The following HECTD4 variants were observed in gnomAD, a reference collection of about 807,000 sequenced individuals.
HECTD4 encodes the protein HECT domain E3 ubiquitin protein ligase 4.
In HECTD4, 114 loss-of-function variants were observed where a neutral mutation model predicts 471.5. The ratio of observed to expected loss-of-function variants is 0.24; its 90% CI spans 0.21 to 0.28. The LOEUF (loss-of-function observed/expected upper bound fraction) is 0.28, where lower values mean the gene tolerates loss of function less well. Ranked by LOEUF, HECTD4 falls within the 10% of genes least tolerant of loss-of-function variation. The pLI is 1.00. For missense variants in HECTD4, 3,866 were observed against 5,651.5 expected, an observed-to-expected ratio of 0.68 and a Z score of 10.13; for synonymous variants, 2,012 against 2,256.0, an observed-to-expected ratio of 0.89 and a Z score of 3.07.
chr12:112,217,338 C>CACACACACACACAT (rs2032951537), intron 45 of HECTD4, 143 bp from the exon 46 acceptor site: 5 of 188,876 alleles, frequency 2.6e-5, no homozygotes, highest in East Asian at 2.0e-3. Flanking sequence ...CACACACATA[C>CACACACACACACAT]ACACACACAC....
chr12:112,184,276 C>T lies in HECTD4; in HGVS notation c.10690G>A (p.Val3564Met), dbSNP rs907472911. The T allele has an allele frequency of 2.5e-6, 4 of 1,613,554 alleles. No homozygotes were observed. The South Asian group carries it at 3.3e-5, about 13-fold the overall frequency. Residue 3564 changes from valine to methionine, a missense_variant, in exon 61 of 76, where the codon GTG (valine) becomes ATG (methionine). Transcript: ENST00000682272. This position sits in a 1 kb window ranked among gnomAD's most constrained non-coding sequence, Gnocchi z 9.1. ...GTGTACATGGAGCCCATGTCCGACA[C>T]CGAGGCCGTCTCTGCATTGTCCAGG... ...EPLDNAETAS[V>M]SDMGSMYTVT...
chr12:112,189,027 C>A (rs973520033), intron 60 of HECTD4, among the ~76,000 whole-genome samples: 1 of 152,212 alleles, frequency 6.6e-6, no homozygotes, highest in African/African-American at 2.4e-5. Context: ...CCCCTATCCA[C>A]TCCCTGGGTG....
chr12:112,377,944 C>A (rs1330619453), intron 1 of HECTD4, among the ~76,000 whole-genome samples: 1 of 152,150 alleles, frequency 6.6e-6, no homozygotes, highest in Non-Finnish European at 1.5e-5. Flanking sequence ...TCTGGATCTG[C>A]TTAAATTAAA....
At chr12:112,165,018 T>A (rs1235381346) in intron 72 of HECTD4, among the ~76,000 whole-genome samples, 2 of 147,806 alleles carry the variant, frequency 1.4e-5, no homozygotes, top group Non-Finnish European at 3.0e-5. Flanking sequence ...GCCTCCTGGG[T>A]TCAAGCAATT....
intron 21 of HECTD4, 171 bp from the exon 22 acceptor site, chr12:112,254,333 G>A: frequency 1.5e-6 from 1 of 680,024 alleles, no homozygotes; most frequent in Admixed American, 3.0e-5. Context: ...ATACTAGTTT[G>A]GATGCAATCA....
chr12:112,220,513 A>C (rs997845227), intron 44 of HECTD4, among the ~76,000 whole-genome samples: 1 of 151,988 alleles, frequency 6.6e-6, no homozygotes, highest in African/African-American at 2.4e-5. Context: ...AGATCTTAAG[A>C]AAGCCAGGTG....
chr12:112,343,381 T>C (rs2036087080), intron 1 of HECTD4, among the ~76,000 whole-genome samples: 1 of 152,250 alleles, frequency 6.6e-6, no homozygotes, highest in Non-Finnish European at 1.5e-5. Flanking sequence ...AAGCTTTATG[T>C]ATGACATGGC....
chr12:112,382,094 G>A lies in HECTD4; in HGVS notation c.35C>T (p.Ala12Val), dbSNP rs1594091890. The A allele has an allele frequency of 8.2e-7, 1 of 1,226,176 alleles. No individual in the cohort carries two copies. The allele number at this position is 1,226,176 out of a possible 1,614,324, so 76.0% of individuals were successfully genotyped here. The change falls in exon 1 of 76, where the codon GCG becomes GTG. Residue 12 changes from alanine to valine, a missense_variant. Coordinates refer to ENST00000682272, the MANE Select transcript of HECTD4 (RefSeq NM_001388303.1). Reference protein sequence around the residue: ...GSSAAAAAAAAAAADSAQWLS... With the variant: ...GSSAAAAAAAVAAADSAQWLS... ...CCACTGCGCCGAGTCAGCGGCCGCC[G>A]CCGCCGCCGCCGCCGCGGCCGCCGA...
chr12:112,210,965 T>A (rs759806416), intron 49 of HECTD4, among the ~76,000 whole-genome samples: 2 of 152,250 alleles, frequency 1.3e-5, no homozygotes, highest in Non-Finnish European at 2.9e-5. Context: ...ATTGGCATCA[T>A]TAATTCACTC....
chr12:112,169,537 G>A lies in HECTD4; in HGVS notation c.12174C>T (p.Asn4058=), dbSNP rs2031128509. ...GGACCTCCTCGCCAGTGAAGCGGATGTTGAAGGCATATGTGGGGTCACCGC... is the reference window on the plus strand; with the variant it reads ...GGACCTCCTCGCCAGTGAAGCGGATATTGAAGGCATATGTGGGGTCACCGC... ...ASGGDPTYAF[N]IRFTGEEVHG... is the part of the protein sequence containing the mutation. The change falls in exon 70 of 76, where the codon AAC becomes AAT. Residue 4058 remains asparagine, a synonymous_variant. Transcript: ENST00000682272. 10 of 1,613,162 alleles carry A rather than the reference G, an allele frequency of 6.2e-6. No individual in the cohort carries two copies. The highest frequency in any genetic ancestry group is 8.5e-6 in the Non-Finnish European group (10 of 1,179,710).
At chr12:112,257,919 G>C (rs2034055585) in intron 20 of HECTD4, among the ~76,000 whole-genome samples, 1 of 152,212 alleles carries the variant, frequency 6.6e-6, no homozygotes, top group African/African-American at 2.4e-5. Context: ...GCAGGGTGTG[G>C]TGGCTCACGC....
chr12:112,173,482 T>A lies in HECTD4; in HGVS notation c.11595-621A>T, dbSNP rs2031311664. On this transcript the variant is annotated intron_variant, in intron 66 of 75. Transcript: ENST00000682272. The surrounding 1 kb of genome is among the most constrained non-coding windows in gnomAD (Gnocchi z 4.3). ...TCAGCTCACTGCAAGCTCTGCCTCC[T>A]GGGTTCACGCCATTCTTCTGCCTCA... 6.6e-6 allele frequency among the ~76,000 whole-genome samples: 1 copy of A among 152,032 alleles called. No homozygotes were observed. Among genetic ancestry groups the A allele is most frequent in the African/African-American group, 2.4e-5 (1 of 41,400 alleles).
intron 1 of HECTD4, among the ~76,000 whole-genome samples, chr12:112,340,850 G>A (rs903468680): frequency 3.3e-5 from 5 of 152,020 alleles, no homozygotes; most frequent in African/African-American, 1.2e-4. Flanking sequence ...TAATTATTAG[G>A]TACCAGAAGG....
intron 7 of HECTD4, among the ~76,000 whole-genome samples, chr12:112,303,356 C>T (rs1277809183): frequency 1.3e-5 from 2 of 152,030 alleles, no homozygotes; most frequent in African/African-American, 4.8e-5. Flanking sequence ...CTGGGTATTC[C>T]CCTAAACGTA....
intron 1 of HECTD4, among the ~76,000 whole-genome samples, chr12:112,320,272 C>T (rs544892358): frequency 6.6e-6 from 1 of 152,124 alleles, no homozygotes; most frequent in African/African-American, 2.4e-5. Flanking sequence ...GAAGTAGAGG[C>T]TGCAGTAAGC....
intron 4 of HECTD4, among the ~76,000 whole-genome samples, chr12:112,311,601 C>T (rs751283169): frequency 4.1e-5 from 5 of 122,008 alleles, no homozygotes; most frequent in Non-Finnish European, 6.5e-5. Flanking sequence ...ACTTGGGCAA[C>T]AGAGCGAGAC....
intron 1 of HECTD4, among the ~76,000 whole-genome samples, chr12:112,359,147 C>T (rs1226049669): frequency 6.6e-6 from 1 of 151,386 alleles, no homozygotes; most frequent in Non-Finnish European, 1.5e-5. Flanking sequence ...TGCACTCCTG[C>T]ACTCCAGCCT....
rs779868916 is a variant in HECTD4 at position 112,239,930 on chromosome 12, T to C, written c.5056A>G (p.Ile1686Val). 3.1e-6 allele frequency: 5 copies of C among 1,614,008 alleles called. No individual in the cohort carries two copies. The highest frequency in any genetic ancestry group is 2.5e-6 in the Non-Finnish European group (3 of 1,179,880). The change falls in exon 33 of 76, where the codon ATC becomes GTC. Residue 1686 changes from isoleucine (I) to valine (V), a missense_variant. Physicochemically the swap from Ile to Val is conservative, Grantham distance 29. Around this residue, in one of 16 missense-constraint regions of HECTD4, gnomAD observed 229 missense variants for 386.4 expected, o/e 0.59. Transcript: ENST00000682272. The surrounding 1 kb of genome is among the most constrained non-coding windows in gnomAD (Gnocchi z 4.9). ...AGTCCAATGCTATTTGCGCAAGCGA[T>C]AGGGTAACGAGCACACAGAGACACA... ...SVVSLCARYPIACANSIGLLC... is the reference protein window; with the variant it reads ...SVVSLCARYPVACANSIGLLC...
At position 112,308,822 on chromosome 12, in the gene HECTD4, G is replaced by A; in HGVS notation, c.1095C>T (p.Leu365=). The change falls in exon 6 of 76, where the codon CTC becomes CTT. Residue 365 remains leucine (L), a synonymous_variant. Coordinates refer to ENST00000682272, the MANE Select transcript of HECTD4 (RefSeq NM_001388303.1). ...TATTATCGAAAGAGACAGGCCGGTG[G>A]AGAAGACTGCCGCTGCCAAAAGCCA... ...GWVAFGSGSL[L]HRPVSFDNKP... 6.5e-7 allele frequency: 1 copy of A among 1,536,060 alleles called. No homozygotes were observed. Among genetic ancestry groups the A allele is most frequent in the South Asian group, 1.2e-5 (1 of 84,054 alleles).
Sources: gnomAD v4.1 joint callset for allele counts (sites outside exome capture counted in the v4.1 genomes callset) on GRCh38, gnomAD v4.1.1 for gene constraint, gnomAD v4.1.1 regional missense constraint, Gnocchi (gnomAD v3.1) non-coding constraint, MANE v1.5 for transcripts, NCBI Gene and HGNC (gene_info 2026-07-23, HGNC 2026-07-21) for gene names.